Variants in DAPK1 observed in about 807,000 individuals in gnomAD.
DAPK1 encodes the protein death associated protein kinase 1.
DAPK1 carries 56 observed loss-of-function variants against 144.9 expected under a neutral mutation model. The ratio of observed to expected loss-of-function variants is 0.39; its 90% CI spans 0.31 to 0.48. DAPK1 has a LOEUF of 0.48. DAPK1 is among the 20% of genes least tolerant of loss of function. The probability of loss-of-function intolerance (pLI) is 0.95; values close to 1 mark genes in which losing one functional copy is unlikely to be tolerated. For missense variants in DAPK1, 1,454 were observed against 1,875.4 expected, an observed-to-expected ratio of 0.78 and a Z score of 4.15; for synonymous variants, 690 against 749.0, an observed-to-expected ratio of 0.92 and a Z score of 1.29.
rs1411064694 is a variant in DAPK1 at position 87,639,774 on chromosome 9, T to G, written c.603-15T>G. On this transcript the variant is annotated splice_polypyrimidine_tract_variant and intron_variant, in intron 6 of 25. Transcript: ENST00000408954. The stretch of plus-strand genomic sequence containing the variant: ...CTTCTGACATGTTTTTTTGTTTGTT[T>G]TGTGTTGTTTTTAGGAGTATCGGGG... 3 of 1,613,724 alleles carry G rather than the reference T, an allele frequency of 1.9e-6. No homozygotes were observed. In the African/African-American group the frequency reaches 4.0e-5, roughly 22 times the overall value.
chr9:87,553,580 C>G (rs1301694428), intron 2 of DAPK1: 1 of 151,026 alleles, frequency 6.6e-6, no homozygotes, highest in African/African-American at 2.4e-5. Context: ...ACTGCAACCT[C>G]CACCTCCCAG....
At chr9:87,619,758 C>T (rs1192445869) in intron 3 of DAPK1, among the ~76,000 whole-genome samples, 7 of 152,098 alleles carry the variant, frequency 4.6e-5, no homozygotes, top group South Asian at 4.1e-4. Flanking sequence ...ATTATATGGC[C>T]GGCATTGTTA....
intron 3 of DAPK1, among the ~76,000 whole-genome samples, chr9:87,619,900 C>T (rs757097496): frequency 1.3e-5 from 2 of 152,158 alleles, no homozygotes; most frequent in African/African-American, 4.8e-5. Context: ...GAAAGAAAGC[C>T]GATGAGCTCT....
chr9:87,526,801 C>T (rs1488717387), intron 2 of DAPK1, among the ~76,000 whole-genome samples: 1 of 152,136 alleles, frequency 6.6e-6, no homozygotes, highest in African/African-American at 2.4e-5. Context: ...TTCAGCCATC[C>T]TTGGTTATTC....
intron 17 of DAPK1, among the ~76,000 whole-genome samples, chr9:87,655,975 C>G (rs1380065897): frequency 6.6e-6 from 1 of 152,220 alleles, no homozygotes; most frequent in East Asian, 1.9e-4. Context: ...AATGGCTTTG[C>G]CCTCAGGCTA....
chr9:87,666,178 C>T (rs1287105414), intron 18 of DAPK1, among the ~76,000 whole-genome samples: 2 of 152,126 alleles, frequency 1.3e-5, no homozygotes, highest in African/African-American at 2.4e-5. Context: ...CTGGTTCTTT[C>T]CATTTGGTTT....
chr9:87,537,687 A>G (rs543106289), intron 2 of DAPK1, among the ~76,000 whole-genome samples: 1 of 152,210 alleles, frequency 6.6e-6, no homozygotes, highest in South Asian at 2.1e-4. Flanking sequence ...AGCATTCGAG[A>G]ATGCCAGCGA....
chr9:87,686,576 C>A lies in DAPK1; in HGVS notation c.2250C>A (p.Tyr750Ter). ...PTVSVSINNL[Y>*]PGCENVSVRS... The stretch of plus-strand genomic sequence containing the variant: ...TCTCAGTGAGCATCAACAACCTGTA[C>A]CCAGGCTGCGAGAACGTGAGTGTGA... Residue 750 changes from tyrosine to a stop codon, truncating the protein, a stop_gained, in exon 21 of 26, where the codon TAC becomes TAA. Transcript: ENST00000408954. LOFTEE classifies it high-confidence loss of function. The surrounding 1 kb of genome is among the most constrained non-coding windows in gnomAD (Gnocchi z 4.2). 1.3e-6 allele frequency: 2 copies of A among 1,578,208 alleles called. No homozygotes were observed. Among genetic ancestry groups the A allele is most frequent in the Non-Finnish European group, 1.7e-6 (2 of 1,159,968 alleles).
intron 20 of DAPK1, among the ~76,000 whole-genome samples, chr9:87,685,413 G>T (rs768357966): frequency 6.6e-6 from 1 of 152,178 alleles, no homozygotes. Flanking sequence ...AGGTGAAATG[G>T]TCACTTCTTT....
intron 2 of DAPK1, chr9:87,525,262 G>A (rs1825453672): frequency 3.4e-6 from 5 of 1,472,662 alleles, no homozygotes; most frequent in Non-Finnish European, 2.8e-6. Context: ...GCGTTGAATA[G>A]AGCTTCTTGC....
chr9:87,640,057 C>T (rs998810443), intron 7 of DAPK1, among the ~76,000 whole-genome samples: 3 of 152,134 alleles, frequency 2.0e-5, no homozygotes, highest in Non-Finnish European at 2.9e-5. Flanking sequence ...CCATCACTGC[C>T]GAGAAAACAG....
rs541269402 is a variant in DAPK1 at position 87,649,860 on chromosome 9, C to CT, written c.1429-58dup. 31 of 1,564,734 alleles carry CT rather than the reference C, an allele frequency of 2.0e-5. No homozygotes were observed. The East Asian group carries it at 6.0e-4, about 31-fold the overall frequency. Reference sequence around the variant, plus strand: ...AAATTTGACAGGGACTCTCACCTTGCTTTATACTTTGTTTCTCATTATTGT... The same window carrying CT: ...AAATTTGACAGGGACTCTCACCTTGCTTTTATACTTTGTTTCTCATTATTGT... On this transcript the variant is annotated intron_variant, in intron 15 of 25. Transcript: ENST00000408954.
At chr9:87,662,560 G>GTTTTTTTTTCTTTTTTTTTTTT (rs1830889187) in intron 18 of DAPK1, among the ~76,000 whole-genome samples, 1 of 32,154 alleles carries the variant, frequency 3.1e-5, no homozygotes, top group African/African-American at 1.5e-4. Flanking sequence ...TATATTCCTA[G>GTTTTTTTTTCTTTTTTTTTTTT]TTTTTTTTTT....
Position 87,669,773 on chromosome 9 carries a change from C to G in DAPK1, c.2001+1099C>G, listed in dbSNP as rs1360037354. Among the ~76,000 whole-genome samples the G allele has an allele frequency of 8.1e-5, 12 of 148,134 alleles. No individual in the cohort carries two copies. The South Asian group carries it at 1.5e-3, about 19-fold the overall frequency. On this transcript the variant is annotated intron_variant, in intron 19 of 25. Transcript: ENST00000408954. ...TGGTCTTGCCAGGGGCAGGGGGGGG[C>G]CACAGATTGGGATAATTTCTTTCCT...
chr9:87,518,044 G>A (rs545942598), intron 2 of DAPK1, among the ~76,000 whole-genome samples: 4 of 151,742 alleles, frequency 2.6e-5, no homozygotes, highest in East Asian at 1.9e-4. Context: ...CGCATCTGTC[G>A]CTGAACCTGC....
intron 3 of DAPK1, among the ~76,000 whole-genome samples, chr9:87,608,339 C>A (rs1220647549): frequency 6.6e-6 from 1 of 152,180 alleles, no homozygotes; most frequent in African/African-American, 2.4e-5. Context: ...GTTTTTATTA[C>A]TGAGTAGTAT....
intron 2 of DAPK1, among the ~76,000 whole-genome samples, chr9:87,558,996 G>A (rs772691948): frequency 6.6e-6 from 1 of 152,094 alleles, no homozygotes; most frequent in African/African-American, 2.4e-5. Context: ...GGTAAGTCAT[G>A]GTCTCTCTCT....
intron 19 of DAPK1, among the ~76,000 whole-genome samples, chr9:87,675,564 G>A (rs1824336083): frequency 6.6e-6 from 1 of 152,088 alleles, no homozygotes; most frequent in Admixed American, 6.5e-5. Context: ...CCCAGCGGGT[G>A]AGGAGTTTGG....
At chr9:87,657,766 C>G (rs1055663503) in intron 17 of DAPK1, 1 of 467,176 alleles carries the variant, frequency 2.1e-6, no homozygotes, top group Non-Finnish European at 3.9e-6. Flanking sequence ...TGACTCCTGT[C>G]TCTTTCAGGC....
Sources: allele counts gnomAD v4.1 joint callset (sites outside exome capture counted in the v4.1 genomes callset), GRCh38; gene constraint gnomAD v4.1.1; non-coding constraint Gnocchi (gnomAD v3.1); transcripts MANE v1.5; gene names NCBI Gene and HGNC (gene_info 2026-07-23, HGNC 2026-07-21).